The following TNIK variants were observed in gnomAD, a reference collection of about 807,000 sequenced individuals.
The protein encoded by TNIK is TRAF2 and NCK-interacting protein kinase.
A neutral mutation model predicts 191.3 loss-of-function variants in TNIK; 49 were observed. That is an observed-to-expected ratio of 0.26 (90% CI 0.20 to 0.32). The LOEUF is 0.32. TNIK is among the 10% of genes least tolerant of loss of function. TNIK has a pLI of 1.00. For missense variants in TNIK, 1,155 were observed against 1,702.3 expected (o/e 0.68, Z 5.66); for synonymous variants, 594 against 600.9 (o/e 0.99, Z 0.17).
intron 2 of TNIK, among the ~76,000 whole-genome samples, chr3:171,341,676 C>A (rs1757548890): frequency 6.6e-6 from 1 of 152,080 alleles, no homozygotes; most frequent in Non-Finnish European, 1.5e-5. Flanking sequence ...ATTTTACAAA[C>A]ATTCACTAAA....
chr3:171,424,958 A>G (rs996836832), intron 1 of TNIK, among the ~76,000 whole-genome samples: 3 of 142,234 alleles, frequency 2.1e-5, no homozygotes, highest in Admixed American at 1.4e-4. Flanking sequence ...CGTTGTGCAC[A>G]TGTACCCTAA....
intron 2 of TNIK, among the ~76,000 whole-genome samples, chr3:171,301,938 G>A (rs891102757): frequency 2.6e-5 from 4 of 151,390 alleles, no homozygotes; most frequent in African/African-American, 4.9e-5. Flanking sequence ...ATGGTTCAGG[G>A]GAAAAAATTT....
In TNIK at chr3:171,097,265, T is replaced by C. The variant is rs182700422; in HGVS notation, c.2592-3297A>G. ...CAAAAAGGCATTGATCTAAGTAACCTTGGAAATGAGTGGAGTCTGTAATAC... is the reference window on the plus strand; with the variant it reads ...CAAAAAGGCATTGATCTAAGTAACCCTGGAAATGAGTGGAGTCTGTAATAC... On this transcript the variant is annotated intron_variant, in intron 22 of 32. Transcript: ENST00000436636. Among the ~76,000 whole-genome samples, 820 of 152,298 alleles carry C rather than the reference T, an allele frequency of 5.4e-3. 6 individuals carry two copies. The highest frequency in any genetic ancestry group is 8.5e-3 in the Non-Finnish European group (579 of 68,010).
intron 1 of TNIK, among the ~76,000 whole-genome samples, chr3:171,440,472 G>A (rs1726647778): frequency 6.6e-6 from 1 of 152,160 alleles, no homozygotes. Context: ...CAACTTTGTG[G>A]GAACAAAAGA....
At chr3:171,219,861 AT>A (rs1289519058) in intron 3 of TNIK, among the ~76,000 whole-genome samples, 1 of 152,192 alleles carries the variant, frequency 6.6e-6, no homozygotes, top group Non-Finnish European at 1.5e-5. Flanking sequence ...AGAACTAGAA[AT>A]ACCATTTGAC....
intron 27 of TNIK, among the ~76,000 whole-genome samples, chr3:171,081,076 A>T (rs1281403534): frequency 6.6e-6 from 1 of 152,332 alleles, no homozygotes; most frequent in East Asian, 1.9e-4. Context: ...TTCTGGTTGC[A>T]TTCCCACTTT....
chr3:171,135,031 C>A (rs1285041383), intron 15 of TNIK, among the ~76,000 whole-genome samples: 1 of 152,002 alleles, frequency 6.6e-6, no homozygotes, highest in Non-Finnish European at 1.5e-5. Context: ...GCACATGGGG[C>A]AAAATAGTCC....
chr3:171,344,320 A>G (rs1711804848), intron 2 of TNIK, among the ~76,000 whole-genome samples: 1 of 152,188 alleles, frequency 6.6e-6, no homozygotes, highest in Non-Finnish European at 1.5e-5. Flanking sequence ...CTCTTTCCAT[A>G]AATAAATATT....
At chr3:171,118,845 A>G (rs1467888125) in intron 18 of TNIK, among the ~76,000 whole-genome samples, 1 of 152,210 alleles carries the variant, frequency 6.6e-6, no homozygotes, top group Non-Finnish European at 1.5e-5. Context: ...CCTAGAATAA[A>G]ACCTAGGCAA....
At chr3:171,070,624 TC>T (rs1439102893) in intron 29 of TNIK, among the ~76,000 whole-genome samples, 2 of 152,092 alleles carry the variant, frequency 1.3e-5, no homozygotes, top group Non-Finnish European at 2.9e-5. Context: ...GACTAGCATA[TC>T]CCCATCCCAC....
chr3:171,329,088 A>G (rs890375923), intron 2 of TNIK, among the ~76,000 whole-genome samples: 1 of 152,146 alleles, frequency 6.6e-6, no homozygotes, highest in Non-Finnish European at 1.5e-5. Context: ...CCCTTGCTAT[A>G]TACACACACA....
chr3:171,241,609 T>C, intron 2 of TNIK, among the ~76,000 whole-genome samples: 1 of 152,216 alleles, frequency 6.6e-6, no homozygotes, highest in East Asian at 1.9e-4. Context: ...TGTAAATATA[T>C]ATGCTTTATT....
At chr3:171,178,768 A>C (rs1736279932) in intron 7 of TNIK, among the ~76,000 whole-genome samples, 1 of 152,196 alleles carries the variant, frequency 6.6e-6, no homozygotes, top group African/African-American at 2.4e-5. Context: ...TACCTCATGC[A>C]TTTTGTACAT....
intron 15 of TNIK, among the ~76,000 whole-genome samples, chr3:171,135,844 G>A (rs988921741): frequency 6.6e-5 from 10 of 152,140 alleles, no homozygotes; most frequent in African/African-American, 2.4e-4. Flanking sequence ...GGAATTAAGA[G>A]GTCTAGAAAA....
intron 22 of TNIK, among the ~76,000 whole-genome samples, chr3:171,100,274 T>TTGTTTCAAAATGTCATATTTTAG (rs1376940552): frequency 1.3e-5 from 2 of 152,154 alleles, no homozygotes; most frequent in Non-Finnish European, 2.9e-5. Flanking sequence ...TTAATGCAAT[T>TTGTTTCAAAATGTCATATTTTAG]TGTTTCAAAA....
intron 2 of TNIK, among the ~76,000 whole-genome samples, chr3:171,367,472 T>A (rs922268574): frequency 2.8e-5 from 1 of 36,004 alleles, no homozygotes; most frequent in Middle Eastern, 7.4e-3. Flanking sequence ...TAGCATTTTT[T>A]TGGGGGGGGG....
Position 171,101,457 on chromosome 3 carries a change from G to A in TNIK, c.2583C>T (p.Pro861=), listed in dbSNP as rs1334119775. ...HDGTVAVSDI[P]RLIPTGAPGS... ...AAAAGTAGTTCTCTTACATCAGTCT[G>A]GGTATGTCGCTGACAGCCACTGTCC... is the stretch of plus-strand genomic sequence containing the variant. The change falls in exon 22 of 33, where the codon CCC becomes CCT. Residue 861 remains proline, a synonymous_variant. Coordinates refer to ENST00000436636, the MANE Select transcript of TNIK (RefSeq NM_015028.4). 3.1e-6 allele frequency: 5 copies of A among 1,610,628 alleles called. No homozygotes were observed. The highest frequency in any genetic ancestry group is 4.2e-6 in the Non-Finnish European group (5 of 1,178,662).
chr3:171,162,494 A>C (rs1408841697), intron 10 of TNIK, among the ~76,000 whole-genome samples: 1 of 152,282 alleles, frequency 6.6e-6, no homozygotes, highest in Non-Finnish European at 1.5e-5. Context: ...CACTAGGGAC[A>C]GTCCTTTAAT....
intron 2 of TNIK, among the ~76,000 whole-genome samples, chr3:171,285,389 CA>C (rs1750899772): frequency 6.6e-6 from 1 of 152,136 alleles, no homozygotes; most frequent in East Asian, 1.9e-4. Flanking sequence ...TGCATCTCCT[CA>C]AAGAAAAACG....
Sources: gnomAD v4.1 joint callset for allele counts (sites outside exome capture counted in the v4.1 genomes callset) on GRCh38, gnomAD v4.1.1 for gene constraint, MANE v1.5 for transcripts, NCBI Gene and HGNC (gene_info 2026-07-23, HGNC 2026-07-21) for gene names.